Variants in KCNIP3 observed in about 807,000 individuals in gnomAD.
The protein encoded by KCNIP3 is potassium voltage-gated channel interacting protein 3.
KCNIP3 carries 28 observed loss-of-function variants against 35.0 expected under a neutral mutation model. The ratio of observed to expected loss-of-function variants is 0.80; its 90% CI spans 0.59 to 1.10. KCNIP3 has a LOEUF of 1.10. Ranked by LOEUF, KCNIP3 falls within the 50% of genes least tolerant of loss-of-function variation. The pLI, the probability that KCNIP3 is intolerant of heterozygous loss-of-function variation, is 0.00. For missense variants in KCNIP3, 295 were observed against 338.4 expected, an observed-to-expected ratio of 0.87 and a Z score of 1.01; for synonymous variants, 134 against 133.8, an observed-to-expected ratio of 1.00 and a Z score of -0.01.
chr2:95,343,524 C>A (rs2104260657), intron 2 of KCNIP3, among the ~76,000 whole-genome samples: 3 of 152,252 alleles, frequency 2.0e-5, no homozygotes, highest in Middle Eastern at 3.4e-3. Context: ...AAACAGCATG[C>A]ATCCAGCCCA....
chr2:95,355,559 T>C (rs999048006), intron 2 of KCNIP3, among the ~76,000 whole-genome samples: 3 of 152,112 alleles, frequency 2.0e-5, no homozygotes, highest in African/African-American at 7.2e-5. Context: ...AGTGATCTCA[T>C]TGTTCAGTTC....
chr2:95,343,392 C>A (rs1679265392), intron 2 of KCNIP3, among the ~76,000 whole-genome samples: 1 of 152,162 alleles, frequency 6.6e-6, no homozygotes, highest in Admixed American at 6.5e-5. Flanking sequence ...TTGAATAATG[C>A]CTGCTTTGCC....
At chr2:95,326,251 CACACATACACTCACACATACACTCACT>C (rs1678782190) in intron 2 of KCNIP3, among the ~76,000 whole-genome samples, 1 of 60,044 alleles carries the variant, frequency 1.7e-5, no homozygotes, top group African/African-American at 1.1e-4. Flanking sequence ...ACACAACACT[CACACATACACTCACACATACACTCACT>C]ACACATACAC....
chr2:95,320,181 T>C (rs1319207638), intron 2 of KCNIP3, among the ~76,000 whole-genome samples: 3 of 152,146 alleles, frequency 2.0e-5, no homozygotes, highest in African/African-American at 7.2e-5. Context: ...CACCACTGCC[T>C]GCTGCCAAGG....
At chr2:95,364,769 C>G (rs1311900201) in intron 2 of KCNIP3, among the ~76,000 whole-genome samples, 1 of 152,136 alleles carries the variant, frequency 6.6e-6, no homozygotes, top group Admixed American at 6.5e-5. Flanking sequence ...AGGCCCTCAC[C>G]AGAGGCAGAT....
At chr2:95,307,500 AC>A (rs759188954) in intron 1 of KCNIP3, among the ~76,000 whole-genome samples, 8 of 152,214 alleles carry the variant, frequency 5.3e-5, no homozygotes, top group Non-Finnish European at 8.8e-5. Flanking sequence ...GGATCGTCTT[AC>A]CGATTGCAGG....
intron 2 of KCNIP3, among the ~76,000 whole-genome samples, chr2:95,325,857 T>A (rs111070258): frequency 6.8e-6 from 1 of 147,622 alleles, no homozygotes; most frequent in African/African-American, 2.5e-5. Flanking sequence ...ACACATACAC[T>A]CACAGGCACA....
chr2:95,308,150 G>A (rs574740827), intron 1 of KCNIP3, among the ~76,000 whole-genome samples: 8 of 152,260 alleles, frequency 5.3e-5, no homozygotes, highest in African/African-American at 1.4e-4. Flanking sequence ...TGTGCATAGC[G>A]TGTGCACATA....
chr2:95,349,925 G>A (rs1679471290), intron 2 of KCNIP3, among the ~76,000 whole-genome samples: 1 of 152,210 alleles, frequency 6.6e-6, no homozygotes, highest in Non-Finnish European at 1.5e-5. Flanking sequence ...GGGCTGGGCT[G>A]GGGGTGGGGT....
chr2:95,300,766 C>G (rs1311100378), intron 1 of KCNIP3, among the ~76,000 whole-genome samples: 2 of 152,246 alleles, frequency 1.3e-5, no homozygotes, highest in Non-Finnish European at 2.9e-5. Flanking sequence ...GAGGGAGCAG[C>G]TGAGCTGAGA....
intron 2 of KCNIP3, among the ~76,000 whole-genome samples, chr2:95,325,728 CAT>C (rs1261400061): frequency 7.9e-5 from 12 of 151,862 alleles, no homozygotes; most frequent in African/African-American, 1.2e-4. Flanking sequence ...CACTTATACA[CAT>C]ACACACTCAT....
chr2:95,373,707 C>T (rs1421906419), intron 2 of KCNIP3, among the ~76,000 whole-genome samples: 1 of 152,146 alleles, frequency 6.6e-6, no homozygotes, highest in Non-Finnish European at 1.5e-5. Flanking sequence ...TGTGAGTCAC[C>T]GCACCCTGCC....
intron 2 of KCNIP3, among the ~76,000 whole-genome samples, chr2:95,364,708 C>T (rs1679878679): frequency 6.6e-6 from 1 of 152,150 alleles, no homozygotes; most frequent in Non-Finnish European, 1.5e-5. Flanking sequence ...ATTCTTGCCA[C>T]GTGACCTGCT....
In KCNIP3 at chr2:95,375,167, A is replaced by T; in HGVS notation, c.406A>T (p.Asn136Tyr). 1 of 1,614,132 alleles carries T rather than the reference A, an allele frequency of 6.2e-7. No individual in the cohort carries two copies. Among genetic ancestry groups the T allele is most frequent in the Non-Finnish European group, 8.5e-7 (1 of 1,180,006 alleles). The change falls in exon 5 of 9, where the codon AAC becomes TAC. Residue 136 changes from asparagine to tyrosine, a missense_variant. Coordinates refer to ENST00000295225, the MANE Select transcript of KCNIP3 (RefSeq NM_013434.5). ...CACCACCTATGCACACTTCCTCTTC[A>T]ACGCCTTTGATGCGGACGGGAACGG... is the stretch of plus-strand genomic sequence containing the variant. ...DATTYAHFLF[N>Y]AFDADGNGAI...
rs981902806 is a variant in KCNIP3 at position 95,384,566 on chromosome 2, G to A, written c.*517G>A. The A allele has an allele frequency of 3.2e-5, 5 of 154,596 alleles. No homozygotes were observed. Among genetic ancestry groups the A allele is most frequent in the Non-Finnish European group, 5.7e-5 (4 of 69,628 alleles). 9.6% of individuals were successfully genotyped at this position (154,596 alleles called of 1,614,324 possible). A position where few individuals can be genotyped will look rare whatever the true frequency, so the allele number is the denominator to read the frequency against. Reference sequence around the variant, plus strand: ...GCCCCTCACCTCAGGACCCCAGAGGGACCAGCTGGGGGGCAGGGGGGAGAG... The same window carrying A: ...GCCCCTCACCTCAGGACCCCAGAGGAACCAGCTGGGGGGCAGGGGGGAGAG... On this transcript the variant is annotated 3_prime_UTR_variant, in exon 9 of 9. Coordinates refer to ENST00000295225, the MANE Select transcript of KCNIP3 (RefSeq NM_013434.5).
chr2:95,335,110 C>T (rs1283274675), intron 2 of KCNIP3, among the ~76,000 whole-genome samples: 5 of 152,224 alleles, frequency 3.3e-5, no homozygotes, highest in Non-Finnish European at 7.3e-5. Context: ...TAATTAAGAA[C>T]ATGAAATTCC....
chr2:95,303,071 G>C (rs1443834045), intron 1 of KCNIP3: 1 of 152,426 alleles, frequency 6.6e-6, no homozygotes, highest in Non-Finnish European at 1.5e-5. Flanking sequence ...GCTCTGGAAG[G>C]CTTTCTGGGA....
intron 2 of KCNIP3, among the ~76,000 whole-genome samples, chr2:95,322,063 G>T (rs1678610339): frequency 1.3e-5 from 2 of 152,064 alleles, no homozygotes; most frequent in Admixed American, 1.3e-4. Context: ...CTGCAAAATG[G>T]CCATAAGAAT....
chr2:95,377,436 C>T lies in KCNIP3; in HGVS notation c.447+2228C>T, dbSNP rs923387073. Among the ~76,000 whole-genome samples the T allele has an allele frequency of 7.2e-5, 11 of 152,252 alleles. No homozygotes were observed. Among genetic ancestry groups the T allele is most frequent in the African/African-American group, 1.7e-4 (7 of 41,464 alleles). ...CAACCACATGCGACTCCCACCCCCTCGCTGAGCACCTGCTCCGGGCTCTGC... is the reference window on the plus strand; with the variant it reads ...CAACCACATGCGACTCCCACCCCCTTGCTGAGCACCTGCTCCGGGCTCTGC... On this transcript the variant is annotated intron_variant, in intron 5 of 8. Transcript: ENST00000295225. This position sits in a 1 kb window ranked among gnomAD's most constrained non-coding sequence, Gnocchi z 4.7.
Sources: gnomAD v4.1 joint callset for allele counts (sites outside exome capture counted in the v4.1 genomes callset) on GRCh38, gnomAD v4.1.1 for gene constraint, Gnocchi (gnomAD v3.1) non-coding constraint, MANE v1.5 for transcripts, NCBI Gene and HGNC (gene_info 2026-07-23, HGNC 2026-07-21) for gene names.